Variants in NALF1 observed in about 807,000 individuals in gnomAD.
NALF1 encodes NALCN channel auxiliary factor 1.
A neutral mutation model predicts 48.4 loss-of-function variants in NALF1; 3 were observed. The ratio of observed to expected loss-of-function variants is 0.06; its 90% CI spans 0.03 to 0.16. The LOEUF (loss-of-function observed/expected upper bound fraction) is 0.16, where lower values mean the gene tolerates loss of function less well. Ranked by LOEUF, NALF1 falls within the 10% of genes least tolerant of loss-of-function variation. The probability of loss-of-function intolerance (pLI) is 1.00; values close to 1 mark genes in which losing one functional copy is unlikely to be tolerated. For synonymous variants in NALF1, 262 were observed against 245.7 expected (o/e 1.07, Z -0.62); for missense variants, 526 against 571.5 (o/e 0.92, Z 0.81).
At chr13:107,276,042 T>A (rs77189660) in intron 1 of NALF1, among the ~76,000 whole-genome samples, 1 of 152,110 alleles carries the variant, frequency 6.6e-6, no homozygotes, top group Non-Finnish European at 1.5e-5. Flanking sequence ...CTCCCCAGCA[T>A]GACGGATCCA....
At chr13:107,381,545 T>A (rs1337603389) in intron 1 of NALF1, among the ~76,000 whole-genome samples, 1 of 151,964 alleles carries the variant, frequency 6.6e-6, no homozygotes, top group Non-Finnish European at 1.5e-5. Context: ...GCCACCTGCA[T>A]CCCTACGCAC....
intron 1 of NALF1, among the ~76,000 whole-genome samples, chr13:107,785,489 C>T (rs1878044517): frequency 6.6e-6 from 1 of 152,098 alleles, no homozygotes; most frequent in African/African-American, 2.4e-5. Flanking sequence ...TAGGTGGGAG[C>T]TAAGCTATGA....
chr13:107,730,071 T>G (rs1157007587), intron 1 of NALF1, among the ~76,000 whole-genome samples: 2 of 152,224 alleles, frequency 1.3e-5, no homozygotes, highest in Non-Finnish European at 2.9e-5. Flanking sequence ...TCTCTAAGTC[T>G]GCTACGAAAT....
intron 1 of NALF1, among the ~76,000 whole-genome samples, chr13:107,347,049 A>T (rs947049570): frequency 6.6e-6 from 1 of 152,212 alleles, no homozygotes; most frequent in Non-Finnish European, 1.5e-5. Flanking sequence ...ACTTTTTTAA[A>T]TTAGAAAAAT....
At position 107,253,496 on chromosome 13, in the gene NALF1, T is replaced by C. The variant is rs191817856; in HGVS notation, c.916-42741A>G. Among the ~76,000 whole-genome samples, 17 of 152,284 alleles carry C rather than the reference T, an allele frequency of 1.1e-4. 1 individual carries two copies. The highest frequency in any genetic ancestry group is 9.8e-4 in the Admixed American group (15 of 15,290). ...CTCTAGTGAGTGCCTATGTGCCACA[T>C]TGAGCTGGGGAAAGTCCTCTCCGTG... On this transcript the variant is annotated intron_variant, in intron 1 of 2. Transcript: ENST00000375915.
chr13:107,281,363 GA>G (rs1473041812), intron 1 of NALF1, among the ~76,000 whole-genome samples: 1 of 152,180 alleles, frequency 6.6e-6, no homozygotes, highest in African/African-American at 2.4e-5. Context: ...AACTATCATA[GA>G]AAATGTGGAA....
intron 1 of NALF1, among the ~76,000 whole-genome samples, chr13:107,434,623 C>T (rs1010136602): frequency 3.9e-5 from 6 of 152,160 alleles, no homozygotes; most frequent in East Asian, 3.9e-4. Context: ...TAGAGCTATG[C>T]GAAGAGGCAG....
chr13:107,514,648 A>G (rs1876002201), intron 1 of NALF1, among the ~76,000 whole-genome samples: 1 of 152,194 alleles, frequency 6.6e-6, no homozygotes, highest in South Asian at 2.1e-4. Context: ...CACCTTTCAC[A>G]TGGAAGTATA....
At chr13:107,864,779 T>G (rs950282074) in intron 1 of NALF1, among the ~76,000 whole-genome samples, 1 of 152,192 alleles carries the variant, frequency 6.6e-6, no homozygotes, top group Non-Finnish European at 1.5e-5. Context: ...TATTGTTGCA[T>G]TTGCATCGAC....
At chr13:107,417,606 C>G (rs893946717) in intron 1 of NALF1, among the ~76,000 whole-genome samples, 4 of 152,140 alleles carry the variant, frequency 2.6e-5, no homozygotes, top group African/African-American at 9.7e-5. Context: ...GCTTATTTCT[C>G]TATAAAGCAA....
intron 1 of NALF1, among the ~76,000 whole-genome samples, chr13:107,224,010 T>C (rs1399820154): frequency 1.3e-5 from 2 of 152,130 alleles, no homozygotes; most frequent in African/African-American, 4.8e-5. Context: ...AACATTATTG[T>C]TTAATTGATT....
chr13:107,859,470 A>C (rs1880513058), intron 1 of NALF1, among the ~76,000 whole-genome samples: 1 of 152,204 alleles, frequency 6.6e-6, no homozygotes, highest in Non-Finnish European at 1.5e-5. Context: ...ATATTTTAAC[A>C]CCTTAAAAGC....
At chr13:107,463,154 T>C (rs1451686743) in intron 1 of NALF1, among the ~76,000 whole-genome samples, 2 of 152,256 alleles carry the variant, frequency 1.3e-5, no homozygotes, top group Non-Finnish European at 2.9e-5. Flanking sequence ...TACAGTGCTT[T>C]GTGATTTTAT....
chr13:107,523,268 T>C (rs939649696), intron 1 of NALF1, among the ~76,000 whole-genome samples: 2 of 152,216 alleles, frequency 1.3e-5, no homozygotes, highest in African/African-American at 4.8e-5. Context: ...GCCTTCAATA[T>C]GCACTGTCAT....
chr13:107,187,561 C>T (rs766797947), intron 2 of NALF1, among the ~76,000 whole-genome samples: 57 of 152,162 alleles, frequency 3.7e-4, no homozygotes, highest in Non-Finnish European at 7.5e-4. Context: ...GACTTCCACC[C>T]CACACACTCA....
chr13:107,420,871 T>C (rs1884174044), intron 1 of NALF1, among the ~76,000 whole-genome samples: 1 of 152,174 alleles, frequency 6.6e-6, no homozygotes, highest in Non-Finnish European at 1.5e-5. Flanking sequence ...TCTTTGTCAT[T>C]AGCTAGAAGA....
intron 1 of NALF1, among the ~76,000 whole-genome samples, chr13:107,802,039 T>TA (rs1414351816): frequency 1.3e-5 from 2 of 152,206 alleles, no homozygotes; most frequent in African/African-American, 4.8e-5. Flanking sequence ...AAACCTGTTC[T>TA]ATGCAAACAC....
At chr13:107,222,382 A>G (rs369473964) in intron 1 of NALF1, among the ~76,000 whole-genome samples, 3 of 152,230 alleles carry the variant, frequency 2.0e-5, no homozygotes, top group Non-Finnish European at 1.5e-5. Flanking sequence ...GATTTTTAGC[A>G]TATTTCCCTT....
At chr13:107,215,616 A>G (rs1466519616) in intron 1 of NALF1, among the ~76,000 whole-genome samples, 1 of 152,192 alleles carries the variant, frequency 6.6e-6, no homozygotes, top group Non-Finnish European at 1.5e-5. Context: ...CGAACTCTAG[A>G]AAGAAATGCG....
Sources: allele counts gnomAD v4.1 joint callset (sites outside exome capture counted in the v4.1 genomes callset), GRCh38; gene constraint gnomAD v4.1.1; transcripts MANE v1.5; gene names NCBI Gene and HGNC (gene_info 2026-07-23, HGNC 2026-07-21).